Variants in CDC42BPA observed in about 807,000 individuals in gnomAD.
CDC42BPA encodes the protein serine/threonine-protein kinase MRCK alpha.
In CDC42BPA, 80 loss-of-function variants were observed where a neutral mutation model predicts 223.5. The ratio of observed to expected loss-of-function variants is 0.36; its 90% CI spans 0.30 to 0.43. The LOEUF (loss-of-function observed/expected upper bound fraction) is 0.43, where lower values mean the gene tolerates loss of function less well. Among genes scored for constraint, CDC42BPA ranks in the 20% least tolerant of loss-of-function variants. CDC42BPA has a pLI of 1.00. For synonymous variants in CDC42BPA, 694 were observed against 718.6 expected, an observed-to-expected ratio of 0.97 and a Z score of 0.55; for missense variants, 1,743 against 2,099.9, an observed-to-expected ratio of 0.83 and a Z score of 3.32.
At chr1:227,192,746 T>C (rs998705153) in intron 5 of CDC42BPA, among the ~76,000 whole-genome samples, 2 of 152,208 alleles carry the variant, frequency 1.3e-5, no homozygotes, top group Non-Finnish European at 2.9e-5. Flanking sequence ...TTTAAAATTT[T>C]TAAATATAAA....
At chr1:227,296,563 G>A (rs1479335058) in intron 1 of CDC42BPA, among the ~76,000 whole-genome samples, 1 of 151,880 alleles carries the variant, frequency 6.6e-6, no homozygotes, top group Non-Finnish European at 1.5e-5. Flanking sequence ...AAAATTAGCT[G>A]GGCATGGTGT....
intron 26 of CDC42BPA, 126 bp from the exon 27 acceptor site, chr1:227,033,541 AAAATT>A: frequency 1.6e-6 from 1 of 621,946 alleles, no homozygotes; most frequent in Non-Finnish European, 2.9e-6. Context: ...ATTTTTTAAA[AAAATT>A]AATTTTCCCC....
chr1:227,173,827 A>C (rs4308948), intron 5 of CDC42BPA, among the ~76,000 whole-genome samples: 16,985 of 152,194 alleles, frequency 0.11, 1,212 homozygotes, highest in South Asian at 0.21. Flanking sequence ...TAAGTATAAC[A>C]GCATTCAGTG....
chr1:227,296,709 CAAA>C (rs755335862), intron 1 of CDC42BPA, among the ~76,000 whole-genome samples: 6 of 69,822 alleles, frequency 8.6e-5, no homozygotes, highest in African/African-American at 1.0e-4. Context: ...CTCCCCACAT[CAAA>C]AAAAAAAAAA....
chr1:227,202,855 AG>A (rs1282035975), intron 3 of CDC42BPA, among the ~76,000 whole-genome samples: 3 of 151,912 alleles, frequency 2.0e-5, no homozygotes, highest in Admixed American at 2.0e-4. Context: ...ACATGAGCCT[AG>A]GAGTTTGAGG....
Position 227,317,080 on chromosome 1 carries a change from G to C in CDC42BPA, c.103C>G (p.Leu35Val), listed in dbSNP as rs759487297. 1.2e-6 allele frequency: 2 copies of C among 1,613,488 alleles called. No homozygotes were observed. Among genetic ancestry groups the C allele is most frequent in the Admixed American group, 1.7e-5 (1 of 60,020 alleles). ...CFSVETLLDI[L>V]ICLYDECNNS... ...TTGCATTCATCATAAAGGCAGATGA[G>C]TATATCCAGTAATGTCTCCACACTG... The change falls in exon 1 of 37, where the codon CTC (leucine) becomes GTC (valine). Residue 35 changes from leucine to valine, a missense_variant. Transcript: ENST00000366766.
At chr1:227,152,589 T>C (rs1010675619) in intron 6 of CDC42BPA, among the ~76,000 whole-genome samples, 11 of 152,030 alleles carry the variant, frequency 7.2e-5, no homozygotes, top group African/African-American at 2.4e-4. Context: ...AAAGCTAAAC[T>C]TGATCAAGTC....
chr1:227,061,221 C>T (rs1443278825), intron 21 of CDC42BPA, among the ~76,000 whole-genome samples: 1 of 152,108 alleles, frequency 6.6e-6, no homozygotes, highest in Non-Finnish European at 1.5e-5. Context: ...TTCCTTCTTG[C>T]CCCCAAAACC....
intron 1 of CDC42BPA, among the ~76,000 whole-genome samples, chr1:227,291,321 G>A (rs1458745475): frequency 6.6e-5 from 10 of 152,232 alleles, no homozygotes; most frequent in African/African-American, 1.9e-4. Context: ...GGCCGAAGCA[G>A]GCGGATCACT....
intron 1 of CDC42BPA, among the ~76,000 whole-genome samples, chr1:227,304,913 T>C (rs1303183861): frequency 6.6e-6 from 1 of 152,160 alleles, no homozygotes; most frequent in Admixed American, 6.5e-5. Context: ...ATAAGTGAAT[T>C]TTACTATAGG....
intron 29 of CDC42BPA, 143 bp from the exon 30 acceptor site, chr1:227,029,393 C>T: frequency 6.5e-6 from 4 of 618,342 alleles, no homozygotes; most frequent in Non-Finnish European, 1.1e-5. Context: ...AAAGATTATC[C>T]AACCCATCAT....
At chr1:227,211,453 T>G (rs1052113021) in intron 3 of CDC42BPA, among the ~76,000 whole-genome samples, 2 of 152,142 alleles carry the variant, frequency 1.3e-5, no homozygotes. Context: ...TGTACTTATA[T>G]GTTTATCACA....
chr1:227,052,279 C>T (rs1006453292), intron 21 of CDC42BPA, among the ~76,000 whole-genome samples: 1 of 152,096 alleles, frequency 6.6e-6, no homozygotes, highest in African/African-American at 2.4e-5. Flanking sequence ...TGGTATTCCA[C>T]ATGGAACTTT....
At chr1:227,164,780 C>G (rs1394347096) in intron 5 of CDC42BPA, among the ~76,000 whole-genome samples, 1 of 152,252 alleles carries the variant, frequency 6.6e-6, no homozygotes, top group Non-Finnish European at 1.5e-5. Flanking sequence ...ATCCTAGTTT[C>G]AAAACATTCA....
At chr1:227,225,226 C>A (rs1676656119) in intron 2 of CDC42BPA, among the ~76,000 whole-genome samples, 1 of 152,124 alleles carries the variant, frequency 6.6e-6, no homozygotes. Flanking sequence ...AAATATCCCT[C>A]AAATTACAGA....
chr1:227,187,688 CCAA>C, intron 5 of CDC42BPA, among the ~76,000 whole-genome samples: 1 of 72,744 alleles, frequency 1.4e-5, no homozygotes, highest in African/African-American at 5.9e-5. Context: ...CACCCCCCCC[CCAA>C]AAAAAAAAAA....
At chr1:227,082,639 C>T (rs1007031997) in intron 16 of CDC42BPA, among the ~76,000 whole-genome samples, 16 of 142,338 alleles carry the variant, frequency 1.1e-4, no homozygotes, top group Non-Finnish European at 2.0e-4. Context: ...TGCTTGAACC[C>T]GGTAGGTGGA....
chr1:227,166,408 T>A (rs1450315042), intron 5 of CDC42BPA, among the ~76,000 whole-genome samples: 1 of 152,138 alleles, frequency 6.6e-6, no homozygotes, highest in Admixed American at 6.5e-5. Context: ...ATTCATAGGG[T>A]AAAAGAGAAA....
chr1:227,307,739 A>G (rs2148793793), intron 1 of CDC42BPA, among the ~76,000 whole-genome samples: 1 of 152,224 alleles, frequency 6.6e-6, no homozygotes, highest in East Asian at 1.9e-4. Context: ...TCGTACTGTC[A>G]GGTCACAAAT....
Sources: gnomAD v4.1 joint callset for allele counts (sites outside exome capture counted in the v4.1 genomes callset) on GRCh38, gnomAD v4.1.1 for gene constraint, MANE v1.5 for transcripts, NCBI Gene and HGNC (gene_info 2026-07-23, HGNC 2026-07-21) for gene names.